GRIK4: variants seen among roughly 807,000 people sequenced by gnomAD.
The protein encoded by GRIK4 is glutamate receptor ionotropic, kainate 4.
Under a neutral mutation model 104.9 loss-of-function variants are expected in GRIK4, and 40 were observed. The observed-to-expected ratio is 0.38, with a 90% confidence interval of 0.30 to 0.50. The LOEUF (loss-of-function observed/expected upper bound fraction) is 0.50. Among genes scored for constraint, GRIK4 ranks in the 20% least tolerant of loss-of-function variants. GRIK4 has a pLI of 0.93. For synonymous variants in GRIK4, 485 were observed against 524.9 expected, an observed-to-expected ratio of 0.92 and a Z score of 1.04; for missense variants, 1,047 against 1,308.1, an observed-to-expected ratio of 0.80 and a Z score of 3.08.
intron 3 of GRIK4, among the ~76,000 whole-genome samples, chr11:120,715,195 T>G (rs1950806404): frequency 6.6e-6 from 1 of 152,178 alleles, no homozygotes. Context: ...TCGGCTTATC[T>G]GTGGAGCAAT....
intron 11 of GRIK4, among the ~76,000 whole-genome samples, chr11:120,876,182 T>A (rs1303711937): frequency 1.6e-5 from 2 of 126,686 alleles, no homozygotes; most frequent in Non-Finnish European, 3.4e-5. Flanking sequence ...ACCCCCACCA[T>A]CATCATCACC....
Position 120,974,715 on chromosome 11 carries a change from C to T in GRIK4, c.2396-7391C>T, listed in dbSNP as rs555653841. ...GGTAAGAGCCACAATATTACCCCTT[C>T]GCTTCCTCGCCCCCTCTGACTCTCC... On this transcript the variant is annotated intron_variant, in intron 19 of 20. Coordinates refer to ENST00000527524, the MANE Select transcript of GRIK4 (RefSeq NM_014619.5). Among the ~76,000 whole-genome samples, 230 of 152,276 alleles carry T rather than the reference C, an allele frequency of 1.5e-3. 1 individual carries two copies. The highest frequency in any genetic ancestry group is 6.2e-3 in the East Asian group (32 of 5,174).
intron 3 of GRIK4, among the ~76,000 whole-genome samples, chr11:120,738,173 G>A (rs1244376870): frequency 6.6e-6 from 1 of 152,224 alleles, no homozygotes; most frequent in Admixed American, 6.5e-5. Flanking sequence ...GAAGCTTAGA[G>A]AAGAAAGTAT....
At chr11:120,697,761 C>T (rs1950477049) in intron 3 of GRIK4, among the ~76,000 whole-genome samples, 2 of 152,262 alleles carry the variant, frequency 1.3e-5, no homozygotes, top group African/African-American at 2.4e-5. Context: ...CTGCATACTC[C>T]TAGGGCGTGA....
rs553768192 is a variant in GRIK4 at position 120,873,977 on chromosome 11, C to T, written c.907-89C>T. ...CCTTTCTTTTGCTTTCTCTTTTCTT[C>T]CTCCATTCCTCTTATTTTCTCCCTC... On this transcript the variant is annotated intron_variant, in intron 9 of 20. Transcript: ENST00000527524. The T allele has an allele frequency of 5.1e-6, 6 of 1,176,616 alleles. No homozygotes were observed. The South Asian group carries it at 7.7e-5, about 15-fold the overall frequency. 72.9% of individuals were successfully genotyped at this position (1,176,616 alleles called of 1,614,324 possible).
At chr11:120,662,329 C>G (rs1468757325) in intron 3 of GRIK4, among the ~76,000 whole-genome samples, 1 of 152,180 alleles carries the variant, frequency 6.6e-6, no homozygotes, top group Non-Finnish European at 1.5e-5. Context: ...TGCTGGCTGG[C>G]AAGGTCAAAC....
chr11:120,636,808 C>G (rs1468219716), intron 1 of GRIK4, among the ~76,000 whole-genome samples: 3 of 151,966 alleles, frequency 2.0e-5, no homozygotes, highest in African/African-American at 7.3e-5. Flanking sequence ...CCATTGCACT[C>G]CAGCCTGGGA....
At chr11:120,805,992 C>T (rs759684927) in intron 4 of GRIK4, among the ~76,000 whole-genome samples, 2 of 152,162 alleles carry the variant, frequency 1.3e-5, no homozygotes, top group Admixed American at 6.5e-5. Context: ...AGCTGTGTGA[C>T]GTAGACAGGC....
chr11:120,709,967 G>A (rs752179738), intron 3 of GRIK4, among the ~76,000 whole-genome samples: 15 of 152,184 alleles, frequency 9.9e-5, no homozygotes, highest in African/African-American at 1.2e-4. Flanking sequence ...TAACGCAGGC[G>A]AGGGTGCTTT....
chr11:120,786,193 C>T (rs1210333533), intron 3 of GRIK4, among the ~76,000 whole-genome samples: 1 of 152,176 alleles, frequency 6.6e-6, no homozygotes, highest in Non-Finnish European at 1.5e-5. Context: ...CAGCCGCCTC[C>T]CTTCCGGTGG....
At chr11:120,767,326 G>A (rs1228889138) in intron 3 of GRIK4, among the ~76,000 whole-genome samples, 1 of 152,128 alleles carries the variant, frequency 6.6e-6, no homozygotes, top group East Asian at 1.9e-4. Context: ...TCATATATCT[G>A]TTGGCCATTT....
chr11:120,643,060 G>A (rs561692451), intron 1 of GRIK4, among the ~76,000 whole-genome samples: 6 of 152,228 alleles, frequency 3.9e-5, no homozygotes, highest in Non-Finnish European at 5.9e-5. Flanking sequence ...CACCCACTAT[G>A]TATGGCAGGC....
In GRIK4 at chr11:120,875,124, C is replaced by G. The variant is rs1044758085; in HGVS notation, c.1060-15C>G. 3 of 1,544,762 alleles carry G rather than the reference C, an allele frequency of 1.9e-6. No individual in the cohort carries two copies. Among genetic ancestry groups the G allele is most frequent in the Non-Finnish European group, 2.7e-6 (3 of 1,117,394 alleles). On this transcript the variant is annotated splice_polypyrimidine_tract_variant and intron_variant, in intron 10 of 20. Coordinates refer to ENST00000527524, the MANE Select transcript of GRIK4 (RefSeq NM_014619.5). ...GGGGCCTGTTTGGTGCTGTAACTCA[C>G]TCTCTCTTGGACAGGTAGAATTGGA...
At chr11:120,576,182 G>T (rs1948481485) in intron 1 of GRIK4, among the ~76,000 whole-genome samples, 1 of 152,214 alleles carries the variant, frequency 6.6e-6, no homozygotes, top group Non-Finnish European at 1.5e-5. Flanking sequence ...CCCATTGCTG[G>T]CTGATTGTTG....
intron 16 of GRIK4, among the ~76,000 whole-genome samples, chr11:120,958,128 G>A (rs1368248144): frequency 2.6e-5 from 4 of 152,186 alleles, no homozygotes; most frequent in African/African-American, 4.8e-5. Flanking sequence ...GGGGGATGTC[G>A]ATCTCCTTCT....
chr11:120,803,304 C>G (rs1337288514), intron 4 of GRIK4, among the ~76,000 whole-genome samples: 1 of 152,238 alleles, frequency 6.6e-6, no homozygotes, highest in Non-Finnish European at 1.5e-5. Flanking sequence ...TGACCACTCA[C>G]TCTCTGGGTA....
intron 1 of GRIK4, among the ~76,000 whole-genome samples, chr11:120,533,948 A>G (rs1036038792): frequency 2.0e-5 from 3 of 152,242 alleles, no homozygotes. Flanking sequence ...AAAATTTTAA[A>G]CAGAAATAGC....
Position 120,513,972 on chromosome 11 carries a change from G to A in GRIK4, c.-159+2085G>A, listed in dbSNP as rs1947692175. 6.6e-6 allele frequency among the ~76,000 whole-genome samples: 1 copy of A among 152,200 alleles called. No homozygotes were observed. Among genetic ancestry groups the A allele is most frequent in the South Asian group, 2.1e-4 (1 of 4,824 alleles). On this transcript the variant is annotated intron_variant, in intron 1 of 20. Transcript: ENST00000527524. The surrounding 1 kb of genome is among the most constrained non-coding windows in gnomAD (Gnocchi z 4.5). The stretch of plus-strand genomic sequence containing the variant: ...GGATGGAGAGGGAACTTTAGTACCG[G>A]GAGAGAGGCAGAGACTCTAGGAGAA...
intron 20 of GRIK4, among the ~76,000 whole-genome samples, chr11:120,983,183 C>G (rs1208372675): frequency 6.6e-6 from 1 of 152,186 alleles, no homozygotes; most frequent in African/African-American, 2.4e-5. Context: ...GGATTATCCT[C>G]TTTTGCCCCT....
Sources: gnomAD v4.1 joint callset for allele counts (sites outside exome capture counted in the v4.1 genomes callset) on GRCh38, gnomAD v4.1.1 for gene constraint, Gnocchi (gnomAD v3.1) non-coding constraint, MANE v1.5 for transcripts, NCBI Gene and HGNC (gene_info 2026-07-23, HGNC 2026-07-21) for gene names.